Variants in LIPK observed in about 807,000 individuals in gnomAD.
The protein encoded by LIPK is lipase member K.
Under a neutral mutation model 48.6 loss-of-function variants are expected in LIPK, and 32 were observed. That is an observed-to-expected ratio of 0.66 (90% confidence interval 0.50 to 0.88). The LOEUF is 0.88. LIPK is among the 40% of genes least tolerant of loss of function. The pLI, the probability that LIPK is intolerant of heterozygous loss-of-function variation, is 0.00. For missense variants in LIPK, 507 were observed against 478.5 expected (o/e 1.06, Z -0.56); for synonymous variants, 164 against 157.4 (o/e 1.04, Z -0.32).
At chr10:88,741,984 G>A (rs534930914) in intron 8 of LIPK, among the ~76,000 whole-genome samples, 1 of 152,172 alleles carries the variant, frequency 6.6e-6, no homozygotes, top group Non-Finnish European at 1.5e-5. Context: ...ATGGCTAGGA[G>A]GCCTCAAGAA....
intron 9 of LIPK, among the ~76,000 whole-genome samples, chr10:88,745,177 AAG>A (rs3068336): frequency 0.2 from 30,072 of 152,088 alleles, 3,243 homozygotes; most frequent in East Asian, 0.35. Flanking sequence ...GAAAGAGAGG[AAG>A]AGAGAGGAAG....
At chr10:88,711,109 C>T (rs983665790) in intron 1 of LIPK, among the ~76,000 whole-genome samples, 3 of 152,062 alleles carry the variant, frequency 2.0e-5, no homozygotes, top group African/African-American at 7.2e-5. Flanking sequence ...CTTTTGTTTA[C>T]TGTCTGTCCA....
intron 9 of LIPK, among the ~76,000 whole-genome samples, chr10:88,746,715 A>G (rs1590161975): frequency 6.6e-6 from 1 of 152,186 alleles, no homozygotes; most frequent in East Asian, 1.9e-4. Flanking sequence ...GAAACTAGAA[A>G]AACAAGAGCA....
chr10:88,734,399 G>A (rs1424255901), intron 6 of LIPK, among the ~76,000 whole-genome samples: 2 of 152,180 alleles, frequency 1.3e-5, no homozygotes, highest in African/African-American at 4.8e-5. Context: ...CACTTTACTG[G>A]AGATTTATAT....
intron 1 of LIPK, among the ~76,000 whole-genome samples, chr10:88,714,131 A>G (rs1348291155): frequency 3.3e-5 from 5 of 152,192 alleles, no homozygotes; most frequent in African/African-American, 1.2e-4. Flanking sequence ...TTAAGGTGAA[A>G]GTATTCAATA....
At chr10:88,729,263 G>GT (rs1564981772) in intron 3 of LIPK, among the ~76,000 whole-genome samples, 1 of 129,212 alleles carries the variant, frequency 7.7e-6, no homozygotes, top group Non-Finnish European at 1.7e-5. Context: ...GGGGGGGGGG[G>GT]GCGGGGGAAG....
chr10:88,720,061 G>A (rs771138739), intron 1 of LIPK, among the ~76,000 whole-genome samples: 5 of 152,116 alleles, frequency 3.3e-5, no homozygotes, highest in Non-Finnish European at 5.9e-5. Flanking sequence ...GAGGGGTTGG[G>A]GGCAGGGAGC....
intron 1 of LIPK, among the ~76,000 whole-genome samples, chr10:88,716,109 C>T (rs1242787201): frequency 2.0e-5 from 3 of 151,740 alleles, no homozygotes; most frequent in Non-Finnish European, 2.9e-5. Context: ...CATAACGATT[C>T]GACTCATAAA....
chr10:88,730,053 C>A (rs761559958), intron 3 of LIPK, among the ~76,000 whole-genome samples: 1 of 152,126 alleles, frequency 6.6e-6, no homozygotes, highest in Non-Finnish European at 1.5e-5. Context: ...TTTCTACTTA[C>A]AACCTTGTTT....
At chr10:88,739,167 T>TGCCG (rs1187505398) in intron 7 of LIPK, among the ~76,000 whole-genome samples, 71 of 138,400 alleles carry the variant, frequency 5.1e-4, no homozygotes, top group Non-Finnish European at 9.4e-5. Context: ...TATCTAAATA[T>TGCCG]ACCGACTGAA....
At chr10:88,731,279 C>A in intron 4 of LIPK, 98 bp downstream of exon 4, 3 of 967,602 alleles carry the variant, frequency 3.1e-6, no homozygotes, top group Non-Finnish European at 4.4e-6. Flanking sequence ...CAAATGCACC[C>A]AATGGAATCC....
At chr10:88,749,399 TG>T (rs1258025908) in intron 9 of LIPK, among the ~76,000 whole-genome samples, 4 of 152,170 alleles carry the variant, frequency 2.6e-5, no homozygotes, top group Non-Finnish European at 4.4e-5. Flanking sequence ...AGCATGGTAT[TG>T]GTACAAAAAC....
intron 7 of LIPK, among the ~76,000 whole-genome samples, chr10:88,739,217 C>T (rs1769697): frequency 0.78 from 119,182 of 152,178 alleles, 47,589 homozygotes; most frequent in East Asian, 1. Flanking sequence ...CTGTAGAATA[C>T]TCATCACATT....
intron 2 of LIPK, among the ~76,000 whole-genome samples, chr10:88,725,280 CA>C (rs1162683858): frequency 6.6e-6 from 1 of 152,186 alleles, no homozygotes; most frequent in Non-Finnish European, 1.5e-5. Flanking sequence ...TTCCTCTCTC[CA>C]AAGTATCCAG....
At chr10:88,742,248 A>T (rs1429043621) in intron 8 of LIPK, among the ~76,000 whole-genome samples, 2 of 152,214 alleles carry the variant, frequency 1.3e-5, no homozygotes, top group African/African-American at 4.8e-5. Flanking sequence ...ACAGAGCCAA[A>T]CCAAATCATC....
intron 8 of LIPK, among the ~76,000 whole-genome samples, chr10:88,740,723 ACG>A (rs1481211178): frequency 6.6e-6 from 1 of 152,176 alleles, no homozygotes; most frequent in Non-Finnish European, 1.5e-5. Context: ...CTCAGTCACA[ACG>A]CCTTTTGAAA....
chr10:88,718,638 G>C (rs2134698248), intron 1 of LIPK, among the ~76,000 whole-genome samples: 1 of 152,048 alleles, frequency 6.6e-6, no homozygotes, highest in South Asian at 2.1e-4. Flanking sequence ...CTTCCAATGA[G>C]TTACACTGTT....
At chr10:88,718,614 T>C (rs915391310) in intron 1 of LIPK, among the ~76,000 whole-genome samples, 1 of 152,050 alleles carries the variant, frequency 6.6e-6, no homozygotes, top group Non-Finnish European at 1.5e-5. Flanking sequence ...ACAAAATTGT[T>C]CCTCTCTTGT....
rs973634091 is a variant in LIPK at position 88,750,074 on chromosome 10, A to G, written c.961-2443A>G. ...TGAAAAATGGTCAATATCAATAATCATTAGAGAAATGAAAATCAAAACCAT... is the reference window on the plus strand; with the variant it reads ...TGAAAAATGGTCAATATCAATAATCGTTAGAGAAATGAAAATCAAAACCAT... On this transcript the variant is annotated intron_variant, in intron 9 of 9. Transcript: ENST00000404190. 4.6e-5 allele frequency among the ~76,000 whole-genome samples: 7 copies of G among 152,350 alleles called. No individual in the cohort carries two copies. The South Asian group carries it at 1.5e-3, about 32-fold the overall frequency.
Sources: gnomAD v4.1 joint callset for allele counts (sites outside exome capture counted in the v4.1 genomes callset) on GRCh38, gnomAD v4.1.1 for gene constraint, MANE v1.5 for transcripts, NCBI Gene and HGNC (gene_info 2026-07-23, HGNC 2026-07-21) for gene names.